Variants in LRRC1 observed in about 807,000 individuals in gnomAD.
The protein encoded by LRRC1 is leucine-rich repeat-containing protein 1.
Under a neutral mutation model 69.9 loss-of-function variants are expected in LRRC1, and 28 were observed. That is an observed-to-expected ratio of 0.40 (90% CI 0.30 to 0.55). LRRC1 has a LOEUF of 0.55. Ranked by LOEUF, LRRC1 falls within the 20% of genes least tolerant of loss-of-function variation. The pLI, the probability that LRRC1 is intolerant of heterozygous loss-of-function variation, is 0.47. For synonymous variants in LRRC1, 236 were observed against 240.2 expected, an observed-to-expected ratio of 0.98 and a Z score of 0.16; for missense variants, 498 against 609.0, an observed-to-expected ratio of 0.82 and a Z score of 1.92.
intron 2 of LRRC1, among the ~76,000 whole-genome samples, chr6:53,846,587 T>A (rs74501877): frequency 0.013 from 2,028 of 152,352 alleles, 24 homozygotes; most frequent in Middle Eastern, 0.027. Flanking sequence ...CTTGGTGGAT[T>A]TGTTTTTTTA....
chr6:53,821,460 T>C (rs535430107), intron 1 of LRRC1, among the ~76,000 whole-genome samples: 1 of 152,350 alleles, frequency 6.6e-6, no homozygotes, highest in Non-Finnish European at 1.5e-5. Context: ...CCCTGAAAAG[T>C]ATCATGGGCC....
Position 53,896,828 on chromosome 6 carries a change from G to A in LRRC1, c.504-1G>A. On this transcript the variant is annotated splice_acceptor_variant, in intron 5 of 13. Transcript: ENST00000370888. LOFTEE classifies it high-confidence loss of function. ...TGCTCTTTATTTATTTTTTAAAATA[G>A]CTCTCTTACCCAGCTGCGAAGACTA... 6.3e-7 allele frequency: 1 copy of A among 1,586,738 alleles called. No individual in the cohort carries two copies. The highest frequency in any genetic ancestry group is 8.6e-7 in the Non-Finnish European group (1 of 1,157,024).
intron 7 of LRRC1, 68 bp from the exon 8 acceptor site, chr6:53,899,679 C>A: frequency 6.8e-7 from 1 of 1,471,874 alleles, no homozygotes; most frequent in Non-Finnish European, 9.2e-7. Context: ...TGAAAAATCA[C>A]TGGAACAAAT....
At chr6:53,862,960 C>T (rs11970064) in intron 2 of LRRC1, among the ~76,000 whole-genome samples, 21,327 of 152,130 alleles carry the variant, frequency 0.14, 1,605 homozygotes, top group Non-Finnish European at 0.17. Context: ...GCCCACAGCA[C>T]GGCATTCAAA....
At chr6:53,824,590 A>T (rs1261744087) in intron 1 of LRRC1, among the ~76,000 whole-genome samples, 1 of 152,164 alleles carries the variant, frequency 6.6e-6, no homozygotes, top group Non-Finnish European at 1.5e-5. Context: ...GGTATTGCCA[A>T]GGTTGTCTTC....
chr6:53,826,197 CTTTTTTT>C (rs58959665), intron 1 of LRRC1, among the ~76,000 whole-genome samples: 15 of 138,398 alleles, frequency 1.1e-4, no homozygotes, highest in African/African-American at 3.8e-4. Flanking sequence ...ACATATCTGC[CTTTTTTT>C]TTTTTTTTTT....
Position 53,899,874 on chromosome 6 carries a change from C to T in LRRC1, c.770C>T (p.Thr257Met), listed in dbSNP as rs369458525. Reference sequence around the variant, plus strand: ...GTCATTTCCCAGAACTTATTAGAAACGATTCCGGATGGCATTGGTAAGCAT... The same window carrying T: ...GTCATTTCCCAGAACTTATTAGAAATGATTCCGGATGGCATTGGTAAGCAT... The part of the protein sequence containing the change: ...DLVISQNLLE[T>M]IPDGIGKLKK... The change falls in exon 8 of 14, where the codon ACG becomes ATG. Residue 257 changes from threonine to methionine, a missense_variant. Coordinates refer to ENST00000370888, the MANE Select transcript of LRRC1 (RefSeq NM_018214.5). 1.1e-4 allele frequency: 175 copies of T among 1,613,772 alleles called. No homozygotes were observed. The African/African-American group carries it at 1.8e-3, about 17-fold the overall frequency.
intron 1 of LRRC1, among the ~76,000 whole-genome samples, chr6:53,795,708 C>T (rs764602473): frequency 6.6e-6 from 1 of 152,220 alleles, no homozygotes; most frequent in African/African-American, 2.4e-5. Flanking sequence ...TAGGTACTGA[C>T]ACCTGGCACT....
chr6:53,868,100 T>A (rs1766765463), intron 2 of LRRC1, among the ~76,000 whole-genome samples: 1 of 152,168 alleles, frequency 6.6e-6, no homozygotes, highest in Non-Finnish European at 1.5e-5. Context: ...AACTATATAA[T>A]AATAAGTATT....
intron 10 of LRRC1, among the ~76,000 whole-genome samples, chr6:53,911,524 A>G (rs1768408104): frequency 1.3e-5 from 2 of 152,214 alleles, no homozygotes; most frequent in Non-Finnish European, 2.9e-5. Flanking sequence ...CCGGACGATC[A>G]TATGAATGAT....
intron 3 of LRRC1, among the ~76,000 whole-genome samples, chr6:53,881,270 C>G (rs1021459325): frequency 6.6e-6 from 1 of 152,198 alleles, no homozygotes; most frequent in Non-Finnish European, 1.5e-5. Flanking sequence ...TTTTCAAGAT[C>G]ATACAGCTAA....
chr6:53,917,011 C>T (rs923502715), intron 11 of LRRC1, among the ~76,000 whole-genome samples: 2 of 152,064 alleles, frequency 1.3e-5, no homozygotes, highest in African/African-American at 4.8e-5. Flanking sequence ...GAGATGCCTG[C>T]GGGCTGTGGT....
At chr6:53,917,804 A>C (rs1768614754) in intron 11 of LRRC1, among the ~76,000 whole-genome samples, 1 of 152,258 alleles carries the variant, frequency 6.6e-6, no homozygotes, top group African/African-American at 2.4e-5. Flanking sequence ...TGTGTTCAAT[A>C]AAATGAAAAA....
At chr6:53,891,495 A>G (rs917846486) in intron 4 of LRRC1, among the ~76,000 whole-genome samples, 1 of 151,704 alleles carries the variant, frequency 6.6e-6, no homozygotes, top group Non-Finnish European at 1.5e-5. Flanking sequence ...CCAGATATAT[A>G]TGTATAGAAC....
At chr6:53,821,428 A>G (rs1765112064) in intron 1 of LRRC1, among the ~76,000 whole-genome samples, 1 of 152,366 alleles carries the variant, frequency 6.6e-6, no homozygotes, top group Non-Finnish European at 1.5e-5. Flanking sequence ...ATTTTAAAAT[A>G]AATGAAAACA....
chr6:53,835,091 A>C (rs1765575488), intron 1 of LRRC1, among the ~76,000 whole-genome samples: 1 of 152,130 alleles, frequency 6.6e-6, no homozygotes, highest in Admixed American at 6.6e-5. Context: ...ATCTTTATTA[A>C]GATATAATTC....
At chr6:53,873,373 G>A (rs186792699) in intron 2 of LRRC1, among the ~76,000 whole-genome samples, 3 of 149,712 alleles carry the variant, frequency 2.0e-5, no homozygotes, top group Non-Finnish European at 4.4e-5. Context: ...CTCGCTACAA[G>A]CTCCGCCTCC....
intron 2 of LRRC1, among the ~76,000 whole-genome samples, chr6:53,869,430 A>C (rs1325192219): frequency 6.6e-6 from 1 of 152,150 alleles, no homozygotes; most frequent in Non-Finnish European, 1.5e-5. Flanking sequence ...TCCCCAGCAG[A>C]ACATTTGGGA....
chr6:53,881,689 A>G (rs1336565198), intron 3 of LRRC1, among the ~76,000 whole-genome samples: 1 of 152,248 alleles, frequency 6.6e-6, no homozygotes, highest in African/African-American at 2.4e-5. Flanking sequence ...CTAGAAAGAT[A>G]AAAATGGAAG....
Sources: allele counts gnomAD v4.1 joint callset (sites outside exome capture counted in the v4.1 genomes callset), GRCh38; gene constraint gnomAD v4.1.1; transcripts MANE v1.5; gene names NCBI Gene and HGNC (gene_info 2026-07-23, HGNC 2026-07-21).